Variants in ACSL6 observed in about 807,000 individuals in gnomAD.
The protein encoded by ACSL6 is long-chain-fatty-acid--CoA ligase 6.
Under a neutral mutation model 98.2 loss-of-function variants are expected in ACSL6, and 47 were observed. The ratio of observed to expected loss-of-function variants is 0.48; its 90% CI spans 0.38 to 0.61. ACSL6 has a LOEUF of 0.61. Ranked by LOEUF, ACSL6 falls within the 20% of genes least tolerant of loss-of-function variation. ACSL6 has a pLI of 0.00. For synonymous variants in ACSL6, 362 were observed against 336.9 expected, an observed-to-expected ratio of 1.07 and a Z score of -0.82; for missense variants, 761 against 913.4, an observed-to-expected ratio of 0.83 and a Z score of 2.15.
At chr5:131,988,510 C>G (rs768529664) in intron 6 of ACSL6, 1 of 1,604,642 alleles carries the variant, frequency 6.2e-7, no homozygotes, top group Non-Finnish European at 8.5e-7. Context: ...ATATTTACCA[C>G]CCCCTGCATC....
chr5:131,990,432 T>C (rs1754442866), intron 3 of ACSL6, among the ~76,000 whole-genome samples: 1 of 152,206 alleles, frequency 6.6e-6, no homozygotes, highest in Non-Finnish European at 1.5e-5. Flanking sequence ...ATTTGTGTGG[T>C]GATCCCTATT....
At chr5:131,981,375 C>G (rs1455778805) in intron 9 of ACSL6, among the ~76,000 whole-genome samples, 1 of 144,584 alleles carries the variant, frequency 6.9e-6, no homozygotes, top group Non-Finnish European at 1.5e-5. Flanking sequence ...ATAACACACA[C>G]ATGGAAAAGT....
At chr5:131,969,550 C>A (rs978974015) in intron 15 of ACSL6, among the ~76,000 whole-genome samples, 1 of 151,990 alleles carries the variant, frequency 6.6e-6, no homozygotes, top group African/African-American at 2.4e-5. Context: ...GATACAACTC[C>A]AGATGGAAAA....
chr5:132,011,565 G>GGGCCC lies in ACSL6; in HGVS notation c.-17_-13dup, dbSNP rs745965338. 4.6e-5 allele frequency: 73 copies of GGGCCC among 1,573,852 alleles called. No individual in the cohort carries two copies. Among genetic ancestry groups the GGGCCC allele is most frequent in the East Asian group, 1.0e-4 (4 of 39,858 alleles). On this transcript the variant is annotated 5_prime_UTR_variant, in exon 1 of 21. Coordinates refer to ENST00000651883, the MANE Select transcript of ACSL6 (RefSeq NM_001009185.3). The surrounding 1 kb of genome is among the most constrained non-coding windows in gnomAD (Gnocchi z 5.4). ...AAGAAGGTCAGCATGGCGGTCAGCG[G>GGGCCC]GGCCCGGCCCGGCCCGGCCCGGCCT...
At chr5:131,968,175 G>A in intron 15 of ACSL6, 147 bp from the exon 16 acceptor site, 1 of 628,590 alleles carries the variant, frequency 1.6e-6, no homozygotes. Context: ...ATTTGTTACT[G>A]CAAGTGTTGG....
At chr5:131,986,692 A>G (rs1367197942) in intron 8 of ACSL6, 130 bp downstream of exon 8, 2 of 1,161,362 alleles carry the variant, frequency 1.7e-6, no homozygotes, top group Non-Finnish European at 2.5e-6. Flanking sequence ...TCAAGTGGGC[A>G]TTTCCTGGCT....
intron 5 of ACSL6, among the ~76,000 whole-genome samples, 183 bp downstream of exon 5, chr5:131,989,224 G>A (rs1754370849): frequency 6.6e-6 from 1 of 152,068 alleles, no homozygotes; most frequent in South Asian, 2.1e-4. Context: ...GATGGAGCAT[G>A]GCTGGGGTGG....
chr5:132,008,731 C>T (rs1024756994), intron 1 of ACSL6, among the ~76,000 whole-genome samples: 1 of 152,238 alleles, frequency 6.6e-6, no homozygotes, highest in African/African-American at 2.4e-5. Context: ...CCACTTGGAT[C>T]TTGGCCTCCC....
intron 1 of ACSL6, 39 bp from the exon 2 acceptor site, chr5:131,994,290 C>A (rs373312390): frequency 1.3e-6 from 2 of 1,553,678 alleles, no homozygotes; most frequent in Middle Eastern, 1.8e-4. Context: ...AGAGACCTGA[C>A]GGGCAGGTTA....
upstream of ACSL6, chr5:132,012,143 C>A (rs888826495): frequency 3.9e-6 from 2 of 514,664 alleles, no homozygotes; most frequent in Admixed American, 4.2e-5. Context: ...ACCAACGCCC[C>A]CTAGGACCCG....
At chr5:131,993,773 C>T (rs918756142) in intron 2 of ACSL6, 47 of 490,540 alleles carry the variant, frequency 9.6e-5, no homozygotes, top group Admixed American at 1.7e-4. Context: ...CCCTCCTACC[C>T]GAGAAGCAGG....
At chr5:131,999,830 C>T (rs1024819437) in intron 1 of ACSL6, among the ~76,000 whole-genome samples, 8 of 152,202 alleles carry the variant, frequency 5.3e-5, no homozygotes, top group Admixed American at 2.6e-4. Context: ...GTGCCAGAGC[C>T]TCAGCTTACA....
chr5:131,962,454 G>A lies in ACSL6; in HGVS notation c.1857+81C>T, dbSNP rs1752760990. 3 of 1,462,264 alleles carry A rather than the reference G, an allele frequency of 2.1e-6. No individual in the cohort carries two copies. The East Asian group carries it at 6.9e-5, about 34-fold the overall frequency. The allele number at this position is 1,462,264 out of a possible 1,614,324, so 90.6% of individuals were successfully genotyped here. On this transcript the variant is annotated intron_variant, in intron 18 of 20. Transcript: ENST00000651883. ...TTAAAATGCGGAGGAGAATCCTGGT[G>A]CCTGATTGGAGGTTAATGTTTAATC... is the stretch of plus-strand genomic sequence containing the variant.
At chr5:131,992,116 T>G in intron 2 of ACSL6, among the ~76,000 whole-genome samples, 1 of 151,116 alleles carries the variant, frequency 6.6e-6, no homozygotes, top group Non-Finnish European at 1.5e-5. Flanking sequence ...CCGGACAGAG[T>G]GAGGAGGAGG....
At chr5:131,985,186 G>A in intron 9 of ACSL6, 1 of 587,420 alleles carries the variant, frequency 1.7e-6, no homozygotes, top group Non-Finnish European at 3.1e-6. Context: ...GAGGTGCCAA[G>A]CCCTCACACT....
intron 13 of ACSL6, among the ~76,000 whole-genome samples, chr5:131,972,505 T>A (rs1753366256): frequency 6.6e-6 from 1 of 152,012 alleles, no homozygotes; most frequent in Non-Finnish European, 1.5e-5. Context: ...CTATCCATAG[T>A]AGGTTTTCTT....
At chr5:131,965,320 A>C (rs1752958319) in intron 17 of ACSL6, among the ~76,000 whole-genome samples, 1 of 152,212 alleles carries the variant, frequency 6.6e-6, no homozygotes, top group South Asian at 2.1e-4. Flanking sequence ...TCATCTAAGC[A>C]TCTCCTATGT....
chr5:131,976,596 G>C, intron 10 of ACSL6, 52 bp downstream of exon 10: 1 of 1,446,574 alleles, frequency 6.9e-7, no homozygotes, highest in African/African-American at 1.4e-5. Context: ...ATCCTCTGAG[G>C]CTTGAGGTTG....
At chr5:131,960,655 A>G (rs1752660181) in intron 18 of ACSL6, 34 bp from the exon 19 acceptor site, 1 of 1,551,826 alleles carries the variant, frequency 6.4e-7, no homozygotes, top group African/African-American at 1.4e-5. Context: ...CACAGTCATG[A>G]CAAATGCATT....
Sources: allele counts gnomAD v4.1 joint callset (sites outside exome capture counted in the v4.1 genomes callset), GRCh38; gene constraint gnomAD v4.1.1; non-coding constraint Gnocchi (gnomAD v3.1); transcripts MANE v1.5; gene names NCBI Gene and HGNC (gene_info 2026-07-23, HGNC 2026-07-21).